The following HHLA2 variants were observed in gnomAD, a reference collection of about 807,000 sequenced individuals.
HHLA2 encodes the protein HERV-H LTR-associating protein 2.
Under a neutral mutation model 45.9 loss-of-function variants are expected in HHLA2, and 48 were observed. That is an observed-to-expected ratio of 1.05 (90% confidence interval 0.83 to 1.33). The LOEUF is 1.33. Among genes scored for constraint, HHLA2 ranks in the 40% most tolerant of loss-of-function variants. HHLA2 has a pLI of 0.00. For missense variants in HHLA2, 462 were observed against 494.3 expected (o/e 0.93, Z 0.62); for synonymous variants, 161 against 173.9 (o/e 0.93, Z 0.59).
intron 8 of HHLA2, 79 bp downstream of exon 7, chr3:108,362,525 C>A: frequency 1.1e-6 from 1 of 909,062 alleles, no homozygotes; most frequent in Non-Finnish European, 1.7e-6. Flanking sequence ...CATGCCCAAA[C>A]AGCTACTGGG....
At chr3:108,356,642 G>C (rs1474379026) in intron 6 of HHLA2, among the ~76,000 whole-genome samples, 1 of 152,198 alleles carries the variant, frequency 6.6e-6, no homozygotes, top group Non-Finnish European at 1.5e-5. Context: ...TTAGAATTGA[G>C]TGTCTTGAAG....
intron 8 of HHLA2, among the ~76,000 whole-genome samples, chr3:108,366,450 G>T (rs1052203942): frequency 1.3e-5 from 2 of 152,064 alleles, no homozygotes; most frequent in African/African-American, 2.4e-5. Context: ...ATTTTTTATT[G>T]TATCTCTGTC....
intron 5 of HHLA2, 99 bp downstream of exon 4, chr3:108,353,879 C>A (rs1469761686): frequency 2.5e-6 from 2 of 812,514 alleles, no homozygotes; most frequent in African/African-American, 3.5e-5. Flanking sequence ...CCTTCCAAGT[C>A]AATACATGGA....
At chr3:108,350,404 T>C (rs1397765255) in intron 3 of HHLA2, among the ~76,000 whole-genome samples, 1 of 152,184 alleles carries the variant, frequency 6.6e-6, no homozygotes, top group African/African-American at 2.4e-5. Flanking sequence ...TTCAATAACT[T>C]TCTTATAGTC....
At chr3:108,368,586 C>A (rs2082109397) in intron 8 of HHLA2, among the ~76,000 whole-genome samples, 2 of 85,326 alleles carry the variant, frequency 2.3e-5, no homozygotes, top group South Asian at 4.4e-4. Context: ...GGTTGCAATT[C>A]TAGTCTCTGA....
At chr3:108,348,868 A>G (rs1489242839) in intron 3 of HHLA2, among the ~76,000 whole-genome samples, 1 of 147,572 alleles carries the variant, frequency 6.8e-6, no homozygotes, top group African/African-American at 2.5e-5. Context: ...ACTCCCACTT[A>G]TGAGTGAGAA....
intron 2 of HHLA2, among the ~76,000 whole-genome samples, chr3:108,325,002 A>G (rs929697297): frequency 2.0e-5 from 3 of 152,138 alleles, no homozygotes; most frequent in African/African-American, 7.2e-5. Flanking sequence ...TTCCTTTCAG[A>G]CATCTCACTT....
intron 3 of HHLA2, among the ~76,000 whole-genome samples, chr3:108,337,428 C>A (rs1481070488): frequency 6.6e-6 from 1 of 152,102 alleles, no homozygotes; most frequent in African/African-American, 2.4e-5. Context: ...TCGCTTGCCA[C>A]TGTGAAGATG....
In HHLA2 at chr3:108,361,445, T is replaced by G. The variant is rs545003215; in HGVS notation, c.1004-897T>G. On this transcript the variant is annotated intron_variant, in intron 7 of 10. Coordinates refer to ENST00000619531, the Ensembl canonical transcript of HHLA2. ...TGATATCGCAGTGCTTGTGATCAAG[T>G]AACCCTTATTTTATTTAAGAATGGC... is the stretch of plus-strand genomic sequence containing the variant. Among the ~76,000 whole-genome samples, 13 of 152,186 alleles carry G rather than the reference T, an allele frequency of 8.5e-5. No individual in the cohort carries two copies. In the South Asian group the frequency reaches 2.1e-3, roughly 24 times the overall value.
intron 3 of HHLA2, among the ~76,000 whole-genome samples, chr3:108,337,458 A>G (rs1025862002): frequency 6.6e-6 from 1 of 152,164 alleles, no homozygotes; most frequent in Admixed American, 6.6e-5. Flanking sequence ...GCCATGGTTC[A>G]TAGAGTATTT....
intron 3 of HHLA2, among the ~76,000 whole-genome samples, chr3:108,335,551 A>G (rs569158685): frequency 5.3e-5 from 8 of 152,200 alleles, no homozygotes; most frequent in Admixed American, 1.3e-4. Flanking sequence ...GCCTAAAGTC[A>G]GGCTCTGTAA....
chr3:108,377,343 C>A, exon 11 of HHLA2: 1 of 1,194,112 alleles, frequency 8.4e-7, no homozygotes, highest in Non-Finnish European at 1.2e-6. Flanking sequence ...TTCATCTCCC[C>A]TTTCTTCACC....
At chr3:108,372,705 C>T (rs186672773) in intron 8 of HHLA2, among the ~76,000 whole-genome samples, 65 of 152,282 alleles carry the variant, frequency 4.3e-4, no homozygotes, top group African/African-American at 1.3e-3. Flanking sequence ...AACACCTCTA[C>T]GTGAATAAAC....
intron 8 of HHLA2, among the ~76,000 whole-genome samples, chr3:108,371,138 A>G (rs1344882130): frequency 6.6e-6 from 1 of 152,214 alleles, no homozygotes; most frequent in African/African-American, 2.4e-5. Flanking sequence ...CTTGGCAGAA[A>G]CTCTACAAGC....
intron 8 of HHLA2, among the ~76,000 whole-genome samples, chr3:108,366,384 A>ATTT (rs1186203185): frequency 6.6e-6 from 1 of 152,184 alleles, no homozygotes; most frequent in Non-Finnish European, 1.5e-5. Flanking sequence ...GTTTGCCAGT[A>ATTT]TTTTATTGAG....
Position 108,353,510 on chromosome 3 carries a change from C to T in HHLA2, c.148C>T (p.Pro50Ser), listed in dbSNP as rs529096683. 2.5e-6 allele frequency: 4 copies of T among 1,611,144 alleles called. No homozygotes were observed. The East Asian group carries it at 6.7e-5, about 27-fold the overall frequency. ...AAGACTTGATGAAGATATAATTCTC[C>T]CTTCTTCATTTGAGAGGGGATCCGA... is the stretch of plus-strand genomic sequence containing the variant. Residue 50 changes from proline to serine, a missense_variant, in exon 5 of 11, where the codon CCT becomes TCT. By Grantham distance (74) the Pro-to-Ser change is moderately conservative. This residue lies in a region of HHLA2 where 335 missense variants were observed against 367.4 expected (regional missense o/e 0.91). Coordinates refer to ENST00000619531, the Ensembl canonical transcript of HHLA2.
intron 1 of HHLA2, among the ~76,000 whole-genome samples, chr3:108,298,582 T>A (rs879364761): frequency 6.6e-6 from 1 of 152,234 alleles, no homozygotes; most frequent in Admixed American, 6.5e-5. Flanking sequence ...TGCTTTTCTC[T>A]GGATATTCAT....
At chr3:108,307,724 AAATTATCATGGTACAATACTACT>A (rs1167046098) in intron 1 of HHLA2, among the ~76,000 whole-genome samples, 1 of 152,178 alleles carries the variant, frequency 6.6e-6, no homozygotes, top group Non-Finnish European at 1.5e-5. Context: ...AAAACTTAAG[AAATTATCATGGTACAATACTACT>A]AACTAAACTA....
intron 3 of HHLA2, among the ~76,000 whole-genome samples, chr3:108,340,284 A>G (rs1413565433): frequency 6.6e-6 from 1 of 152,234 alleles, no homozygotes; most frequent in Non-Finnish European, 1.5e-5. Flanking sequence ...TTGGAAGCCA[A>G]TGCAAGGAGA....
Sources: gnomAD v4.1 joint callset for allele counts (sites outside exome capture counted in the v4.1 genomes callset) on GRCh38, gnomAD v4.1.1 for gene constraint, gnomAD v4.1.1 regional missense constraint, MANE v1.5 for transcripts, NCBI Gene and HGNC (gene_info 2026-07-23, HGNC 2026-07-21) for gene names.